Variants in LAMC3 observed in about 807,000 individuals in gnomAD.
The protein encoded by LAMC3 is laminin subunit gamma-3.
In LAMC3, 128 loss-of-function variants were observed where a neutral mutation model predicts 173.8. The observed-to-expected ratio is 0.74, with a 90% CI of 0.64 to 0.85. The LOEUF (loss-of-function observed/expected upper bound fraction) is 0.85. Among genes scored for constraint, LAMC3 ranks in the 40% least tolerant of loss-of-function variants. The probability of loss-of-function intolerance (pLI) is 0.00; values close to 1 mark genes in which losing one functional copy is unlikely to be tolerated. For missense variants in LAMC3, 2,022 were observed against 2,156.0 expected (o/e 0.94, Z 1.23); for synonymous variants, 897 against 909.1 (o/e 0.99, Z 0.24).
At chr9:131,077,058 C>A (rs945544096) in intron 21 of LAMC3, 129 bp from the exon 22 acceptor site, 13 of 1,252,608 alleles carry the variant, frequency 1.0e-5, no homozygotes, top group Middle Eastern at 2.2e-4. Context: ...TGTACCTACC[C>A]CGCAGAGGGC....
rs573595717 is a variant in LAMC3, at chr9:131,038,842, C to T, written c.977-22C>T. 6 of 1,611,532 alleles carry T rather than the reference C, an allele frequency of 3.7e-6. No individual in the cohort carries two copies. The South Asian group carries it at 6.6e-5, about 18-fold the overall frequency. ...ACCACATCACAGGGGACTCACACAC[C>T]TTTCCCCACTCCTGCCCATAGCCTG... On this transcript the variant is annotated intron_variant, in intron 4 of 27. Transcript: ENST00000361069.
intron 1 of LAMC3, among the ~76,000 whole-genome samples, chr9:131,011,528 C>T (rs1056561494): frequency 2.6e-5 from 4 of 152,144 alleles, no homozygotes; most frequent in East Asian, 3.9e-4. Context: ...GACCGTGAGC[C>T]CGCTCTGCAG....
intron 8 of LAMC3, among the ~76,000 whole-genome samples, chr9:131,046,354 C>T (rs1317175230): frequency 6.7e-6 from 1 of 149,874 alleles, no homozygotes; most frequent in East Asian, 1.9e-4. Context: ...AGGTGTGCAC[C>T]ACCGTGCCCG....
At chr9:131,041,012 G>A (rs570685552) in intron 6 of LAMC3, among the ~76,000 whole-genome samples, 5 of 152,240 alleles carry the variant, frequency 3.3e-5, no homozygotes, top group South Asian at 2.1e-4. Context: ...TGGATAGGTG[G>A]CTGCTGGACA....
At chr9:131,014,644 G>C (rs981435525) in intron 1 of LAMC3, among the ~76,000 whole-genome samples, 7 of 152,174 alleles carry the variant, frequency 4.6e-5, no homozygotes, top group African/African-American at 1.7e-4. Context: ...AGGGTGCTGG[G>C]TAAAGGTTGG....
intron 4 of LAMC3, among the ~76,000 whole-genome samples, chr9:131,038,308 C>T (rs1490160836): frequency 6.6e-6 from 1 of 152,222 alleles, no homozygotes; most frequent in Non-Finnish European, 1.5e-5. Flanking sequence ...CTGTGGGCAG[C>T]ACGAGGGCGG....
intron 1 of LAMC3, among the ~76,000 whole-genome samples, chr9:131,010,932 C>T (rs1833405601): frequency 2.0e-5 from 3 of 152,342 alleles, no homozygotes; most frequent in African/African-American, 7.2e-5. Flanking sequence ...CGCCAAGTGT[C>T]TTTCCTGTTG....
At chr9:131,081,540 C>T (rs1010084824) in intron 23 of LAMC3, among the ~76,000 whole-genome samples, 5 of 146,180 alleles carry the variant, frequency 3.4e-5, no homozygotes, top group Non-Finnish European at 6.0e-5. Flanking sequence ...GCTTGATCTC[C>T]GCTCACTATA....
chr9:131,060,670 TAAC>T (rs1415765565), intron 12 of LAMC3, among the ~76,000 whole-genome samples: 1 of 115,864 alleles, frequency 8.6e-6, no homozygotes, highest in Admixed American at 8.2e-5. Flanking sequence ...ATAATAATAA[TAAC>T]AGCAGCGATG....
chr9:131,080,196 G>A (rs773590766), intron 23 of LAMC3, among the ~76,000 whole-genome samples: 3 of 148,814 alleles, frequency 2.0e-5, no homozygotes, highest in South Asian at 2.1e-4. Context: ...GGCTGGTCTC[G>A]AACTCCTGGC....
intron 24 of LAMC3, among the ~76,000 whole-genome samples, chr9:131,084,334 G>A (rs908671053): frequency 3.3e-5 from 5 of 151,832 alleles, no homozygotes; most frequent in African/African-American, 9.7e-5. Flanking sequence ...CCTCAGTCTC[G>A]TGAGTAGCTA....
At chr9:131,047,001 C>CGT (rs1274880661) in intron 8 of LAMC3, among the ~76,000 whole-genome samples, 1 of 152,054 alleles carries the variant, frequency 6.6e-6, no homozygotes, top group Non-Finnish European at 1.5e-5. Context: ...AGGGTGTCAG[C>CGT]GTTGGGCAGG....
At position 131,038,879 on chromosome 9, in the gene LAMC3, G is replaced by C. The variant is rs779066179; in HGVS notation, c.992G>C (p.Gly331Ala). 2 of 1,612,968 alleles carry C rather than the reference G, an allele frequency of 1.2e-6. No individual in the cohort carries two copies. The highest frequency in any genetic ancestry group is 1.7e-5 in the Admixed American group (1 of 59,994). Residue 331 changes from glycine (G) to alanine (A), a missense_variant, in exon 5 of 28, where the codon GGC becomes GCC. Transcript: ENST00000361069. ...CTGCCCATAGCCTGCAACTGCAGTG[G>C]CCGCTCCGAGGAATGCACGTTTGAT... The part of the protein sequence containing the change: ...AHECLPCNCS[G>A]RSEECTFDRE...
At chr9:131,011,374 G>A (rs963373923) in intron 1 of LAMC3, among the ~76,000 whole-genome samples, 7 of 152,218 alleles carry the variant, frequency 4.6e-5, no homozygotes, top group African/African-American at 9.7e-5. Context: ...GCATCTGAGC[G>A]TGGACATCCA....
intron 3 of LAMC3, among the ~76,000 whole-genome samples, chr9:131,033,590 G>A (rs1346823375): frequency 6.6e-6 from 1 of 152,148 alleles, no homozygotes; most frequent in Non-Finnish European, 1.5e-5. Flanking sequence ...AGAGGAAGCT[G>A]TGGAAGGATT....
Position 131,049,078 on chromosome 9 carries a change from C to T in LAMC3, c.1578C>T (p.Ser526=). The change falls in exon 9 of 28, where the codon AGC becomes AGT. Residue 526 remains serine, a synonymous_variant. Transcript: ENST00000361069. ...VGGSEHPPQW[S]PNGVLLSPED... The stretch of plus-strand genomic sequence containing the variant: ...GCTCTGAGCACCCCCCACAATGGAG[C>T]CCAAATGGGGTCCTCCTGAGCCCAG... 6.4e-7 allele frequency: 1 copy of T among 1,552,356 alleles called. No homozygotes were observed. Among genetic ancestry groups the T allele is most frequent in the Non-Finnish European group, 8.7e-7 (1 of 1,147,334 alleles).
In LAMC3 at chr9:131,019,277, A is replaced by ACAAG. The variant is rs549318574; in HGVS notation, c.374-7005_374-7004insGCAA. 1.1e-4 allele frequency among the ~76,000 whole-genome samples: 16 copies of ACAAG among 152,052 alleles called. 1 individual carries two copies. The East Asian group carries it at 2.9e-3, about 28-fold the overall frequency. ...ACTTTGTCTCAAAACAAACAAACAAACAAACAAAAACAAGACCTGCCTCTC... is the reference window on the plus strand; with the variant it reads ...ACTTTGTCTCAAAACAAACAAACAAACAAGCAAACAAAAACAAGACCTGCCTCTC... On this transcript the variant is annotated intron_variant, in intron 1 of 27. Transcript: ENST00000361069.
chr9:131,063,235 G>T (rs924458224), intron 13 of LAMC3, among the ~76,000 whole-genome samples: 1 of 152,220 alleles, frequency 6.6e-6, no homozygotes, highest in African/African-American at 2.4e-5. Context: ...TGCACTGCGG[G>T]ACCCTGCACC....
chr9:131,054,687 G>T (rs1834366092), intron 11 of LAMC3, among the ~76,000 whole-genome samples: 1 of 152,052 alleles, frequency 6.6e-6, no homozygotes, highest in African/African-American at 2.4e-5. Context: ...GGAGGTTGCA[G>T]TTAGCCAAGA....
Sources: allele counts gnomAD v4.1 joint callset (sites outside exome capture counted in the v4.1 genomes callset), GRCh38; gene constraint gnomAD v4.1.1; transcripts MANE v1.5; gene names NCBI Gene and HGNC (gene_info 2026-07-23, HGNC 2026-07-21).